The following MDGA2 variants were observed in gnomAD, a reference collection of about 807,000 sequenced individuals.
The protein encoded by MDGA2 is MAM domain containing glycosylphosphatidylinositol anchor 2.
Under a neutral mutation model 117.8 loss-of-function variants are expected in MDGA2, and 40 were observed. That is an observed-to-expected ratio of 0.34 (90% confidence interval 0.26 to 0.44). The LOEUF (loss-of-function observed/expected upper bound fraction) is 0.44, where lower values mean the gene tolerates loss of function less well. MDGA2 is among the 20% of genes least tolerant of loss of function. MDGA2 has a pLI of 1.00. For synonymous variants in MDGA2, 452 were observed against 439.0 expected, an observed-to-expected ratio of 1.03 and a Z score of -0.37; for missense variants, 1,123 against 1,250.6, an observed-to-expected ratio of 0.90 and a Z score of 1.54.
At chr14:46,989,332 A>AG (rs60744731) in intron 8 of MDGA2, among the ~76,000 whole-genome samples, 5,804 of 151,350 alleles carry the variant, frequency 0.038, 179 homozygotes, top group African/African-American at 0.08. Flanking sequence ...GAAAAAAAAA[A>AG]GGGGGGTATC....
chr14:47,464,732 C>A (rs1466235592), intron 1 of MDGA2, among the ~76,000 whole-genome samples: 1 of 152,088 alleles, frequency 6.6e-6, no homozygotes, highest in Non-Finnish European at 1.5e-5. Context: ...TAATCAATAT[C>A]ATTAAAATGG....
chr14:47,272,964 C>G (rs553533833), intron 2 of MDGA2, among the ~76,000 whole-genome samples: 2 of 152,112 alleles, frequency 1.3e-5, no homozygotes, highest in African/African-American at 4.8e-5. Flanking sequence ...CTACTTTCCA[C>G]TTAACTAAGG....
intron 9 of MDGA2, among the ~76,000 whole-genome samples, chr14:46,944,069 C>G (rs1018892702): frequency 3.3e-5 from 5 of 151,958 alleles, no homozygotes; most frequent in Non-Finnish European, 5.9e-5. Flanking sequence ...ACCTAATCCT[C>G]TTCATTTATT....
At chr14:47,447,558 G>T (rs1893150368) in intron 1 of MDGA2, among the ~76,000 whole-genome samples, 2 of 152,076 alleles carry the variant, frequency 1.3e-5, no homozygotes, top group Non-Finnish European at 2.9e-5. Flanking sequence ...TCTCTAGCTG[G>T]TCATTTATGA....
chr14:47,585,005 T>C (rs1301917728), intron 1 of MDGA2, among the ~76,000 whole-genome samples: 1 of 151,916 alleles, frequency 6.6e-6, no homozygotes, highest in East Asian at 1.9e-4. Context: ...CTTTATTTCC[T>C]ACTTAATGTT....
At chr14:47,088,500 T>C (rs1048593804) in intron 6 of MDGA2, among the ~76,000 whole-genome samples, 1 of 152,160 alleles carries the variant, frequency 6.6e-6, no homozygotes, top group African/African-American at 2.4e-5. Context: ...AACAAAGCTA[T>C]TGATGAGTAA....
chr14:47,573,307 T>G (rs1299744397), intron 1 of MDGA2, among the ~76,000 whole-genome samples: 1 of 152,188 alleles, frequency 6.6e-6, no homozygotes, highest in Non-Finnish European at 1.5e-5. Flanking sequence ...TATGAACTGT[T>G]GGTTAGAGAA....
At chr14:47,597,448 G>A (rs1169713734) in intron 1 of MDGA2, among the ~76,000 whole-genome samples, 2 of 151,656 alleles carry the variant, frequency 1.3e-5, no homozygotes, top group East Asian at 1.9e-4. Context: ...AATAATGAAC[G>A]TAAGTTAATA....
At chr14:47,329,010 T>C (rs760971137) in intron 1 of MDGA2, among the ~76,000 whole-genome samples, 5 of 152,192 alleles carry the variant, frequency 3.3e-5, no homozygotes, top group Non-Finnish European at 7.3e-5. Context: ...ATTGCCTATT[T>C]AATAAATACC....
chr14:47,458,618 T>C (rs1893414308), intron 1 of MDGA2, among the ~76,000 whole-genome samples: 1 of 152,078 alleles, frequency 6.6e-6, no homozygotes, highest in South Asian at 2.1e-4. Context: ...AACTCTCTGG[T>C]GTATACTTGA....
At chr14:46,902,498 A>AG (rs1883326493) in intron 10 of MDGA2, among the ~76,000 whole-genome samples, 1 of 152,136 alleles carries the variant, frequency 6.6e-6, no homozygotes, top group South Asian at 2.1e-4. Context: ...ACACTCTTTG[A>AG]AGGAAAAAAT....
intron 2 of MDGA2, among the ~76,000 whole-genome samples, chr14:47,293,875 G>A (rs1888972301): frequency 6.6e-6 from 1 of 152,122 alleles, no homozygotes; most frequent in Non-Finnish European, 1.5e-5. Flanking sequence ...TTAGGAGTAT[G>A]TTAAAGTGTT....
At chr14:47,432,187 C>T (rs952187661) in intron 1 of MDGA2, among the ~76,000 whole-genome samples, 4 of 151,808 alleles carry the variant, frequency 2.6e-5, no homozygotes, top group African/African-American at 4.8e-5. Flanking sequence ...GGGGATTTTT[C>T]GCTCTTAGTT....
intron 12 of MDGA2, 73 bp downstream of exon 12, chr14:46,877,416 T>C (rs914983620): frequency 9.4e-6 from 8 of 852,516 alleles, no homozygotes; most frequent in Non-Finnish European, 1.4e-5. Flanking sequence ...TAAACAATTT[T>C]TGTATATTTA....
intron 1 of MDGA2, among the ~76,000 whole-genome samples, chr14:47,657,364 A>C (rs1407042839): frequency 6.6e-6 from 1 of 152,196 alleles, no homozygotes; most frequent in East Asian, 1.9e-4. Context: ...CCAGTGTTGC[A>C]TCAATAGACA....
intron 8 of MDGA2, among the ~76,000 whole-genome samples, chr14:47,016,773 CA>C (rs1320616547): frequency 1.3e-5 from 2 of 151,888 alleles, no homozygotes; most frequent in East Asian, 3.9e-4. Context: ...TATTCATAAT[CA>C]AAAAATTAAA....
intron 1 of MDGA2, among the ~76,000 whole-genome samples, chr14:47,602,082 C>T (rs1332054963): frequency 1.3e-5 from 2 of 152,260 alleles, no homozygotes; most frequent in South Asian, 2.1e-4. Flanking sequence ...CCTAAGAAAG[C>T]TCCTCTCGGG....
chr14:47,214,080 T>C (rs1481145418), intron 3 of MDGA2, among the ~76,000 whole-genome samples: 1 of 152,094 alleles, frequency 6.6e-6, no homozygotes, highest in Non-Finnish European at 1.5e-5. Context: ...GAGAACTGCA[T>C]GGAAGAGACC....
intron 3 of MDGA2, among the ~76,000 whole-genome samples, chr14:47,157,620 T>C (rs1883448298): frequency 6.6e-6 from 1 of 151,568 alleles, no homozygotes; most frequent in Admixed American, 6.6e-5. Context: ...TGTGTGTGTG[T>C]GTGTGTGTGT....
Sources: gnomAD v4.1 joint callset for allele counts (sites outside exome capture counted in the v4.1 genomes callset) on GRCh38, gnomAD v4.1.1 for gene constraint, MANE v1.5 for transcripts, NCBI Gene and HGNC (gene_info 2026-07-23, HGNC 2026-07-21) for gene names.